The following CAST variants were observed in gnomAD, a reference collection of about 807,000 sequenced individuals.
The protein encoded by CAST is calpastatin.
A neutral mutation model predicts 119.6 loss-of-function variants in CAST; 76 were observed. The observed-to-expected ratio is 0.64, with a 90% confidence interval of 0.53 to 0.77. The LOEUF (loss-of-function observed/expected upper bound fraction) is 0.77. Ranked by LOEUF, CAST falls within the 30% of genes least tolerant of loss-of-function variation. The probability of loss-of-function intolerance (pLI) is 0.00; values close to 1 mark genes in which losing one functional copy is unlikely to be tolerated. For missense variants in CAST, 953 were observed against 946.5 expected, an observed-to-expected ratio of 1.01 and a Z score of -0.09; for synonymous variants, 319 against 331.6, an observed-to-expected ratio of 0.96 and a Z score of 0.41.
chr5:96,291,000 C>G, the CAST span, among the ~76,000 whole-genome samples: 1 of 152,192 alleles, frequency 6.6e-6, no homozygotes, highest in Non-Finnish European at 1.5e-5. Context: ...AGGAAAACAG[C>G]CACCATGTTC....
the CAST span, among the ~76,000 whole-genome samples, chr5:96,072,309 G>T: frequency 2.0e-5 from 3 of 152,234 alleles, no homozygotes; most frequent in East Asian, 3.9e-4. Flanking sequence ...GAACAATTTT[G>T]AAACAGCCAC....
At chr5:96,340,688 C>T in the CAST span, among the ~76,000 whole-genome samples, 2 of 152,322 alleles carry the variant, frequency 1.3e-5, no homozygotes, top group South Asian at 4.1e-4. Context: ...AACCTCTTCA[C>T]ACTGAAGCAT....
the CAST span, among the ~76,000 whole-genome samples, chr5:96,426,696 T>G: frequency 3.9e-5 from 6 of 152,214 alleles, no homozygotes; most frequent in Admixed American, 3.9e-4. Context: ...TTATTTTTCT[T>G]GGCAATATGA....
intron 1 of CAST, among the ~76,000 whole-genome samples, chr5:96,674,005 A>G (rs891404753): frequency 3.3e-5 from 5 of 152,228 alleles, no homozygotes; most frequent in Admixed American, 2.0e-4. Flanking sequence ...CCTTTTGGCT[A>G]GTTGTTCATA....
the CAST span, among the ~76,000 whole-genome samples, chr5:96,332,330 A>C: frequency 6.6e-6 from 1 of 152,036 alleles, no homozygotes; most frequent in Non-Finnish European, 1.5e-5. Flanking sequence ...GAGTACCTTG[A>C]GCAGCGTTTC....
chr5:96,535,612 C>T (rs987571536), intron 1 of CAST, among the ~76,000 whole-genome samples: 6 of 135,010 alleles, frequency 4.4e-5, no homozygotes, highest in African/African-American at 1.6e-4. Flanking sequence ...CTCGCTCTGT[C>T]GCCCAGGCTG....
the CAST span, among the ~76,000 whole-genome samples, chr5:96,211,841 G>A: frequency 0.74 from 111,919 of 151,916 alleles, 41,450 homozygotes; most frequent in East Asian, 0.83. Context: ...AAATTATTTC[G>A]TTCTGAATTA....
the CAST span, among the ~76,000 whole-genome samples, chr5:96,270,172 C>G: frequency 6.6e-6 from 1 of 152,018 alleles, no homozygotes; most frequent in Non-Finnish European, 1.5e-5. Context: ...CCAAAAAAAG[C>G]ATTTGATAAA....
the CAST span, chr5:96,400,284 A>G: frequency 1.2e-6 from 1 of 815,318 alleles, no homozygotes; most frequent in Non-Finnish European, 2.2e-6. Context: ...GGGATTATGA[A>G]GTGCCTTTTG....
At chr5:96,471,762 G>GTC in the CAST span, among the ~76,000 whole-genome samples, 30 of 132,102 alleles carry the variant, frequency 2.3e-4, no homozygotes, top group Middle Eastern at 3.5e-3. Context: ...TTCAAATGGA[G>GTC]TCTGTGTGTG....
chr5:96,342,321 G>C, the CAST span, among the ~76,000 whole-genome samples: 1 of 152,214 alleles, frequency 6.6e-6, no homozygotes, highest in Non-Finnish European at 1.5e-5. Context: ...TGTTTTTGAG[G>C]CAGTGGTTCC....
At chr5:96,699,474 A>T (rs1464740981) in intron 3 of CAST, among the ~76,000 whole-genome samples, 1 of 152,252 alleles carries the variant, frequency 6.6e-6, no homozygotes, top group Non-Finnish European at 1.5e-5. Context: ...ACTAATGCAC[A>T]GTAACACTAT....
chr5:96,732,765 A>G (rs919999485), intron 9 of CAST, among the ~76,000 whole-genome samples: 3 of 152,112 alleles, frequency 2.0e-5, no homozygotes, highest in Non-Finnish European at 4.4e-5. Context: ...CCTTCCTTAC[A>G]CCTTATACAA....
rs144593555 is a variant in CAST at position 96,704,950 on chromosome 5, G to A, written c.210+9043G>A. On this transcript the variant is annotated intron_variant, in intron 3 of 31. Coordinates refer to ENST00000675179, the MANE Select transcript of CAST (RefSeq NM_001750.7). ...CTTTGCTCGCACTGAATGTCAGAGC[G>A]TGACCGAAAGCACTTTCATGCATTT... Among the ~76,000 whole-genome samples the A allele has an allele frequency of 9.1e-4, 139 of 152,312 alleles. 2 individuals carry two copies. Among genetic ancestry groups the A allele is most frequent in the African/African-American group, 3.2e-3 (134 of 41,564 alleles).
At chr5:96,193,602 C>G in the CAST span, among the ~76,000 whole-genome samples, 7 of 152,148 alleles carry the variant, frequency 4.6e-5, no homozygotes, top group African/African-American at 1.7e-4. Flanking sequence ...CAAAAAGATA[C>G]TAAAATCAAT....
chr5:96,418,203 A>G, the CAST span, among the ~76,000 whole-genome samples: 2 of 152,174 alleles, frequency 1.3e-5, no homozygotes, highest in African/African-American at 2.4e-5. Flanking sequence ...CCAAACGTTG[A>G]GAGAAAGAAA....
chr5:96,636,281 G>T (rs1273742930), intron 1 of CAST, among the ~76,000 whole-genome samples: 1 of 152,096 alleles, frequency 6.6e-6, no homozygotes, highest in Non-Finnish European at 1.5e-5. Flanking sequence ...CTAATACATT[G>T]TTAAGCTCCT....
the CAST span, among the ~76,000 whole-genome samples, chr5:96,407,639 C>T: frequency 6.6e-6 from 1 of 152,154 alleles, no homozygotes; most frequent in African/African-American, 2.4e-5. Context: ...CTAATATTTA[C>T]TGACAATGGT....
chr5:96,476,264 T>C, the CAST span, among the ~76,000 whole-genome samples: 31 of 152,330 alleles, frequency 2.0e-4, no homozygotes, highest in East Asian at 1.5e-3. Context: ...CATTTTCCAT[T>C]AGAATTATTT....
Sources: allele counts gnomAD v4.1 joint callset (sites outside exome capture counted in the v4.1 genomes callset), GRCh38; gene constraint gnomAD v4.1.1; transcripts MANE v1.5; gene names NCBI Gene and HGNC (gene_info 2026-07-23, HGNC 2026-07-21).